CCDC85A: variants seen among roughly 807,000 people sequenced by gnomAD.
CCDC85A encodes coiled-coil domain-containing protein 85A.
Under a neutral mutation model 50.2 loss-of-function variants are expected in CCDC85A, and 38 were observed. The observed-to-expected ratio is 0.76, with a 90% CI of 0.58 to 0.99. CCDC85A has a LOEUF of 0.99. CCDC85A is among the 50% of genes least tolerant of loss of function. The pLI is 0.00. For synonymous variants in CCDC85A, 366 were observed against 301.4 expected, an observed-to-expected ratio of 1.21 and a Z score of -2.22; for missense variants, 820 against 742.0, an observed-to-expected ratio of 1.11 and a Z score of -1.22.
At chr2:56,259,085 C>G (rs952723848) in intron 2 of CCDC85A, among the ~76,000 whole-genome samples, 1 of 152,116 alleles carries the variant, frequency 6.6e-6, no homozygotes, top group African/African-American at 2.4e-5. Flanking sequence ...TGACTTTTTC[C>G]TGCAGCGATT....
At chr2:56,258,411 C>T (rs1392210793) in intron 2 of CCDC85A, among the ~76,000 whole-genome samples, 1 of 152,154 alleles carries the variant, frequency 6.6e-6, no homozygotes, top group Non-Finnish European at 1.5e-5. Flanking sequence ...TCCATGTCAG[C>T]AGATAGGCCA....
Position 56,368,871 on chromosome 2 carries a change from C to G in CCDC85A, c.1318-3473C>G, listed in dbSNP as rs1212957058. On this transcript the variant is annotated intron_variant, in intron 3 of 5. Transcript: ENST00000407595. ...GTATATGTATATATTCAATAAGAAA[C>G]TCAGTATATTTGTTTTCCATTTTTC... Among the ~76,000 whole-genome samples, 5 of 151,718 alleles carry G rather than the reference C, an allele frequency of 3.3e-5. No individual in the cohort carries two copies. The East Asian group carries it at 9.6e-4, about 29-fold the overall frequency.
intron 3 of CCDC85A, 32 bp from the exon 4 acceptor site, chr2:56,372,312 G>A: frequency 6.7e-7 from 1 of 1,482,978 alleles, no homozygotes; most frequent in Non-Finnish European, 9.0e-7. Context: ...GTATTTTTCT[G>A]AGTGATTGTA....
chr2:56,382,289 A>G (rs1316337258), intron 5 of CCDC85A, among the ~76,000 whole-genome samples: 5 of 152,144 alleles, frequency 3.3e-5, no homozygotes, highest in African/African-American at 7.2e-5. Flanking sequence ...AAGTTTTCCC[A>G]TAATATGAGA....
chr2:56,375,651 A>T (rs1257502544), intron 4 of CCDC85A, among the ~76,000 whole-genome samples, 165 bp from the exon 5 acceptor site: 1 of 152,234 alleles, frequency 6.6e-6, no homozygotes, highest in Non-Finnish European at 1.5e-5. Flanking sequence ...CTGGTCAAGC[A>T]GCAAGTGTGT....
intron 2 of CCDC85A, among the ~76,000 whole-genome samples, chr2:56,210,173 C>T (rs899826537): frequency 6.6e-6 from 1 of 152,062 alleles, no homozygotes; most frequent in African/African-American, 2.4e-5. Flanking sequence ...CACATATCTG[C>T]CTCCATGTAA....
chr2:56,185,447 C>A (rs1018472939), intron 1 of CCDC85A, among the ~76,000 whole-genome samples: 2 of 152,284 alleles, frequency 1.3e-5, no homozygotes, highest in Admixed American at 1.3e-4. Flanking sequence ...CATAGGAGTT[C>A]AAGCTCTGCC....
At chr2:56,355,003 G>T (rs146279635) in intron 3 of CCDC85A, among the ~76,000 whole-genome samples, 2 of 152,154 alleles carry the variant, frequency 1.3e-5, no homozygotes, top group African/African-American at 2.4e-5. Flanking sequence ...GGCCCAGCCC[G>T]CTATGAGTCT....
At chr2:56,209,420 C>CT (rs11407205) in intron 2 of CCDC85A, among the ~76,000 whole-genome samples, 108,156 of 141,016 alleles carry the variant, frequency 0.77, 41,485 homozygotes, top group Admixed American at 0.8. Context: ...AAGTCTGTTC[C>CT]TTTTTTTTTT....
At chr2:56,290,809 T>C (rs1321238523) in intron 2 of CCDC85A, among the ~76,000 whole-genome samples, 1 of 152,178 alleles carries the variant, frequency 6.6e-6, no homozygotes, top group East Asian at 1.9e-4. Flanking sequence ...GGTATACTAG[T>C]TTGTAGGGAT....
chr2:56,234,141 G>C (rs941555917), intron 2 of CCDC85A, among the ~76,000 whole-genome samples: 1 of 152,164 alleles, frequency 6.6e-6, no homozygotes, highest in Non-Finnish European at 1.5e-5. Flanking sequence ...TGTCCATGTA[G>C]TTAACATCCA....
intron 2 of CCDC85A, among the ~76,000 whole-genome samples, chr2:56,236,536 T>G (rs1669023528): frequency 6.6e-6 from 1 of 152,178 alleles, no homozygotes. Context: ...TAATGAAGGG[T>G]AGAGGAGGCG....
intron 2 of CCDC85A, among the ~76,000 whole-genome samples, 183 bp from the exon 3 acceptor site, chr2:56,342,696 C>T (rs187638988): frequency 1.3e-5 from 2 of 152,018 alleles, no homozygotes; most frequent in Non-Finnish European, 2.9e-5. Context: ...TAAAATTGTT[C>T]AAAACTGTTT....
chr2:56,332,805 A>G (rs1172963625), intron 2 of CCDC85A, among the ~76,000 whole-genome samples: 1 of 152,042 alleles, frequency 6.6e-6, no homozygotes, highest in African/African-American at 2.4e-5. Context: ...AACCTGTCCA[A>G]AGTTTCCATC....
At chr2:56,245,723 T>C (rs1669474309) in intron 2 of CCDC85A, among the ~76,000 whole-genome samples, 1 of 152,136 alleles carries the variant, frequency 6.6e-6, no homozygotes, top group African/African-American at 2.4e-5. Flanking sequence ...GTGATGGTAT[T>C]AGGAGGTGGG....
At chr2:56,218,858 C>A (rs1312344343) in intron 2 of CCDC85A, among the ~76,000 whole-genome samples, 1 of 151,658 alleles carries the variant, frequency 6.6e-6, no homozygotes, top group Non-Finnish European at 1.5e-5. Flanking sequence ...TAGTATTTAA[C>A]CTCTTGGGCA....
At chr2:56,369,817 T>G (rs1675985233) in intron 3 of CCDC85A, among the ~76,000 whole-genome samples, 1 of 152,098 alleles carries the variant, frequency 6.6e-6, no homozygotes, top group Non-Finnish European at 1.5e-5. Context: ...TCCTCACAAA[T>G]TTTTGAAATA....
At chr2:56,204,778 C>G (rs532263793) in intron 2 of CCDC85A, among the ~76,000 whole-genome samples, 79 of 152,308 alleles carry the variant, frequency 5.2e-4, no homozygotes, top group African/African-American at 1.9e-3. Flanking sequence ...AACCATTGTT[C>G]TACCTTCTCT....
intron 2 of CCDC85A, among the ~76,000 whole-genome samples, chr2:56,320,708 G>C (rs1673137132): frequency 6.6e-6 from 1 of 152,114 alleles, no homozygotes; most frequent in Admixed American, 6.6e-5. Flanking sequence ...TTCTACCAGA[G>C]GTACGAGGAG....
Sources: allele counts gnomAD v4.1 joint callset (sites outside exome capture counted in the v4.1 genomes callset), GRCh38; gene constraint gnomAD v4.1.1; transcripts MANE v1.5; gene names NCBI Gene and HGNC (gene_info 2026-07-23, HGNC 2026-07-21).